The following ZNF385D variants were observed in gnomAD, a reference collection of about 807,000 sequenced individuals.
ZNF385D encodes zinc finger protein 385D, also known as zinc finger protein 659.
In ZNF385D, 15 loss-of-function variants were observed where a neutral mutation model predicts 35.8. That is an observed-to-expected ratio of 0.42 (90% CI 0.28 to 0.64). The LOEUF (loss-of-function observed/expected upper bound fraction) is 0.64, where lower values mean the gene tolerates loss of function less well. Among genes scored for constraint, ZNF385D ranks in the 30% least tolerant of loss-of-function variants. ZNF385D has a pLI of 0.23. For synonymous variants in ZNF385D, 212 were observed against 186.8 expected (o/e 1.13, Z -1.10); for missense variants, 474 against 494.6 (o/e 0.96, Z 0.39).
chr3:21,546,906 G>A (rs1349930363), intron 3 of ZNF385D, among the ~76,000 whole-genome samples: 2 of 151,906 alleles, frequency 1.3e-5, no homozygotes, highest in Non-Finnish European at 2.9e-5. Flanking sequence ...GCTGGAGCTC[G>A]TGGATGCAAG....
At chr3:21,968,686 A>G (rs944600787) in intron 3 of ZNF385D, among the ~76,000 whole-genome samples, 11 of 152,178 alleles carry the variant, frequency 7.2e-5, no homozygotes, top group African/African-American at 2.7e-4. Flanking sequence ...CTGACTAGAG[A>G]GCTCTTGGGC....
intron 3 of ZNF385D, among the ~76,000 whole-genome samples, chr3:22,105,360 T>C (rs967616548): frequency 1.3e-5 from 2 of 151,912 alleles, no homozygotes; most frequent in African/African-American, 2.4e-5. Flanking sequence ...GATAAACACA[T>C]ATATATCTAT....
chr3:21,550,156 G>A (rs558344394), intron 3 of ZNF385D, among the ~76,000 whole-genome samples: 1 of 152,086 alleles, frequency 6.6e-6, no homozygotes, highest in Admixed American at 6.6e-5. Context: ...AGAAAATTTG[G>A]AAAGTAAAGA....
intron 3 of ZNF385D, among the ~76,000 whole-genome samples, chr3:22,119,995 C>CTTT (rs11345782): frequency 7.3e-6 from 1 of 136,294 alleles, no homozygotes; most frequent in Non-Finnish European, 1.6e-5. Flanking sequence ...TTTCTTTTTT[C>CTTT]TTTTTTTTTT....
At chr3:22,139,376 C>T (rs1704352259) in intron 3 of ZNF385D, among the ~76,000 whole-genome samples, 7 of 152,062 alleles carry the variant, frequency 4.6e-5, no homozygotes, top group Admixed American at 4.6e-4. Flanking sequence ...AAATGTCCAA[C>T]AATGATAGAC....
chr3:21,743,669 A>C (rs11129020), intron 1 of ZNF385D, among the ~76,000 whole-genome samples: 4 of 152,186 alleles, frequency 2.6e-5, no homozygotes, highest in Non-Finnish European at 5.9e-5. Context: ...GGTTCCACCC[A>C]AATGGCTTCA....
At chr3:22,370,990 C>T (rs1696876951) in intron 2 of ZNF385D, among the ~76,000 whole-genome samples, 1 of 152,270 alleles carries the variant, frequency 6.6e-6, no homozygotes, top group East Asian at 1.9e-4. Context: ...GATGTTTGCC[C>T]ATTCCCCTAG....
At chr3:22,215,013 C>A (rs1237770283) in intron 2 of ZNF385D, among the ~76,000 whole-genome samples, 1 of 151,962 alleles carries the variant, frequency 6.6e-6, no homozygotes, top group Non-Finnish European at 1.5e-5. Flanking sequence ...TGATGTCTCC[C>A]CCAGACACCC....
rs1026539730 is a variant in ZNF385D at position 21,725,962 on chromosome 3, C to T, written c.22+24933G>A. Reference sequence around the variant, plus strand: ...TGGCAAACCAAATCCAGCAGCACATCAAAAAGTTTATCCACTACGATCAAG... The same window carrying T: ...TGGCAAACCAAATCCAGCAGCACATTAAAAAGTTTATCCACTACGATCAAG... On this transcript the variant is annotated intron_variant, in intron 1 of 7. Transcript: ENST00000281523. 2.0e-5 allele frequency among the ~76,000 whole-genome samples: 3 copies of T among 152,138 alleles called. No homozygotes were observed. In the South Asian group the frequency reaches 6.2e-4, roughly 32 times the overall value.
intron 2 of ZNF385D, among the ~76,000 whole-genome samples, chr3:22,321,164 G>GTTTTTTTTTTTTTTTTTTTTTTTT: frequency 3.9e-5 from 3 of 76,152 alleles, no homozygotes; most frequent in Admixed American, 1.7e-4. Flanking sequence ...TTATGACCTT[G>GTTTTTTTTTTTTTTTTTTTTTTTT]TTTTTTTTTT....
intron 3 of ZNF385D, among the ~76,000 whole-genome samples, chr3:21,787,944 CAAAAAAAAAAAAAAAAAAAAAAAA>C (rs560982379): frequency 2.7e-5 from 2 of 75,390 alleles, no homozygotes; most frequent in Non-Finnish European, 2.3e-5. Context: ...TTCGTCTCAA[CAAAAAAAAAAAAAAAAAAAAAAAA>C]AAAAAAAAAA....
At chr3:22,290,806 G>C (rs1203589387) in intron 2 of ZNF385D, among the ~76,000 whole-genome samples, 1 of 152,128 alleles carries the variant, frequency 6.6e-6, no homozygotes, top group African/African-American at 2.4e-5. Context: ...GGAACAGGGA[G>C]AGTCAGTAGC....
chr3:21,967,635 C>A (rs751575481), intron 3 of ZNF385D, among the ~76,000 whole-genome samples: 1 of 152,202 alleles, frequency 6.6e-6, no homozygotes, highest in Admixed American at 6.5e-5. Context: ...CAAGATATGA[C>A]TAAGCTAGTT....
At chr3:21,917,544 T>C (rs1001973305) in intron 3 of ZNF385D, among the ~76,000 whole-genome samples, 1 of 152,218 alleles carries the variant, frequency 6.6e-6, no homozygotes. Context: ...ACTGGTCTCA[T>C]ATGCTATGAC....
At chr3:21,890,483 G>C (rs1575848199) in intron 3 of ZNF385D, among the ~76,000 whole-genome samples, 1 of 152,130 alleles carries the variant, frequency 6.6e-6, no homozygotes, top group Non-Finnish European at 1.5e-5. Flanking sequence ...GCTGTGCATG[G>C]TGGCAGGCCC....
chr3:22,334,457 A>T (rs1695076984), intron 2 of ZNF385D, among the ~76,000 whole-genome samples: 1 of 152,148 alleles, frequency 6.6e-6, no homozygotes, highest in South Asian at 2.1e-4. Flanking sequence ...TATAGATTTA[A>T]TTAAATGTAC....
intron 2 of ZNF385D, among the ~76,000 whole-genome samples, chr3:22,347,374 A>T (rs1359353719): frequency 6.6e-6 from 1 of 152,190 alleles, no homozygotes; most frequent in East Asian, 1.9e-4. Context: ...GTTTTGATCT[A>T]TACAGTTCTG....
At chr3:22,164,991 C>G (rs983264866) in intron 3 of ZNF385D, among the ~76,000 whole-genome samples, 2 of 152,068 alleles carry the variant, frequency 1.3e-5, no homozygotes, top group Non-Finnish European at 2.9e-5. Flanking sequence ...ATAAAAAGAT[C>G]AGTGGTTATG....
intron 2 of ZNF385D, among the ~76,000 whole-genome samples, chr3:22,230,854 G>T (rs778349109): frequency 6.6e-6 from 1 of 152,088 alleles, no homozygotes; most frequent in Non-Finnish European, 1.5e-5. Context: ...AAGAAGCAGA[G>T]GAAAAAGTGT....
Sources: gnomAD v4.1 joint callset for allele counts (sites outside exome capture counted in the v4.1 genomes callset) on GRCh38, gnomAD v4.1.1 for gene constraint, MANE v1.5 for transcripts, NCBI Gene and HGNC (gene_info 2026-07-23, HGNC 2026-07-21) for gene names.